The following AREL1 variants were observed in gnomAD, a reference collection of about 807,000 sequenced individuals.
The protein encoded by AREL1 is apoptosis-resistant E3 ubiquitin protein ligase 1.
A neutral mutation model predicts 99.0 loss-of-function variants in AREL1; 62 were observed. The observed-to-expected ratio is 0.63, with a 90% CI of 0.51 to 0.77. AREL1 has a LOEUF of 0.77. AREL1 is among the 30% of genes least tolerant of loss of function. The pLI is 0.00. For synonymous variants in AREL1, 380 were observed against 376.5 expected, an observed-to-expected ratio of 1.01 and a Z score of -0.11; for missense variants, 879 against 1,027.6, an observed-to-expected ratio of 0.86 and a Z score of 1.98.
chr14:74,667,407 A>T (rs780183895), intron 16 of AREL1, 30 bp from the exon 17 acceptor site: 1 of 1,614,220 alleles, frequency 6.2e-7, no homozygotes, highest in South Asian at 1.1e-5. Flanking sequence ...TTAAAGTCAT[A>T]CCCACACCAT....
At chr14:74,664,700 C>T (rs2089172743) in intron 18 of AREL1, 136 bp downstream of exon 18, 5 of 533,752 alleles carry the variant, frequency 9.4e-6, no homozygotes, top group Non-Finnish European at 1.6e-5. Context: ...ACTTTGTGAT[C>T]CGCCTGCCTC....
At chr14:74,709,673 GC>G (rs1279710395) in intron 1 of AREL1, among the ~76,000 whole-genome samples, 1 of 152,174 alleles carries the variant, frequency 6.6e-6, no homozygotes, top group Non-Finnish European at 1.5e-5. Context: ...TTAGGGGCAG[GC>G]AAGTTAATTG....
At chr14:74,694,086 G>A (rs957615027) in intron 1 of AREL1, among the ~76,000 whole-genome samples, 1 of 152,096 alleles carries the variant, frequency 6.6e-6, no homozygotes, top group East Asian at 1.9e-4. Flanking sequence ...TGAGGTGGGG[G>A]TTGGCTTGAG....
chr14:74,690,570 G>C (rs928139777), intron 2 of AREL1, among the ~76,000 whole-genome samples: 1 of 152,126 alleles, frequency 6.6e-6, no homozygotes, highest in South Asian at 2.1e-4. Flanking sequence ...TTTTTCTACA[G>C]CAGTTTCTAC....
chr14:74,664,318 C>T (rs2089158043), intron 18 of AREL1, among the ~76,000 whole-genome samples: 1 of 152,172 alleles, frequency 6.6e-6, no homozygotes, highest in Non-Finnish European at 1.5e-5. Flanking sequence ...TGGCAGTCAG[C>T]ATGACAGCCC....
chr14:74,713,046 G>A lies in AREL1; in HGVS notation c.-447C>T, dbSNP rs754679408. The stretch of plus-strand genomic sequence containing the variant: ...CTCCCACCAACAGACCCCAGAGTTG[G>A]TCTCCACCCGGCCTGGGAACCGGCT... On this transcript the variant is annotated 5_prime_UTR_variant, in exon 1 of 20. Transcript: ENST00000356357. The A allele has an allele frequency of 2.2e-6, 3 of 1,380,390 alleles. No homozygotes were observed. The African/African-American group carries it at 4.3e-5, about 20-fold the overall frequency. The allele number at this position is 1,380,390 out of a possible 1,614,324, so 85.5% of individuals were successfully genotyped here.
chr14:74,683,409 G>A lies in AREL1; in HGVS notation c.368C>T (p.Ser123Phe), dbSNP rs1194899368. Residue 123 changes from serine to phenylalanine, a missense_variant, in exon 5 of 20, where the codon TCC becomes TTC. Coordinates refer to ENST00000356357, the MANE Select transcript of AREL1 (RefSeq NM_001039479.2). Reference sequence around the variant, plus strand: ...AGTGAAGGCCACTTTTACTACGTTGGAATTGGGCTCCTGAAGGACTTCCTG... The same window carrying A: ...AGTGAAGGCCACTTTTACTACGTTGAAATTGGGCTCCTGAAGGACTTCCTG... Reference protein sequence around the residue: ...VTQEVLQEPNSNVVKVAFTVR... With the variant: ...VTQEVLQEPNFNVVKVAFTVR... 1 of 1,614,080 alleles carries A rather than the reference G, an allele frequency of 6.2e-7. No individual in the cohort carries two copies. The highest frequency in any genetic ancestry group is 1.1e-5 in the South Asian group (1 of 91,076).
At chr14:74,666,197 T>C (rs375036335) in intron 17 of AREL1, among the ~76,000 whole-genome samples, 32 of 151,972 alleles carry the variant, frequency 2.1e-4, no homozygotes, top group African/African-American at 7.8e-4. Context: ...CTAAAATTAC[T>C]TTTTCCCCCA....
rs768842320 is a variant in AREL1 at position 74,670,103 on chromosome 14, G to A, written c.1632C>T (p.Pro544=). The A allele has an allele frequency of 7.4e-6, 12 of 1,610,854 alleles. No individual in the cohort carries two copies. The highest frequency in any genetic ancestry group is 2.2e-5 in the South Asian group (2 of 90,718). ...CATACATTTTCAGGCGCAGATGAGC[G>A]GGGCGATTAGGGTTGGGATGCACCT... ...QALVHPNPNR[P]AHLRLKMYEF... is the part of the protein sequence containing the mutation. Residue 544 remains proline, a synonymous_variant, in exon 14 of 20, where the codon CCC becomes CCT. Transcript: ENST00000356357.
intron 5 of AREL1, among the ~76,000 whole-genome samples, chr14:74,679,568 T>G (rs1052330107): frequency 6.6e-6 from 1 of 152,196 alleles, no homozygotes; most frequent in Non-Finnish European, 1.5e-5. Flanking sequence ...GGTTCATGCC[T>G]GTAATCCTAG....
intron 7 of AREL1, 57 bp from the exon 8 acceptor site, chr14:74,676,003 C>T (rs1366179517): frequency 2.6e-6 from 4 of 1,536,100 alleles, no homozygotes; most frequent in Non-Finnish European, 3.5e-6. Context: ...AAAAAATTAC[C>T]TATCACAGGC....
At chr14:74,681,766 CAAAAAAAAAAAGAA>C (rs1333756944) in intron 5 of AREL1, among the ~76,000 whole-genome samples, 38 of 89,808 alleles carry the variant, frequency 4.2e-4, no homozygotes, top group African/African-American at 1.2e-3. Context: ...GAGACGCCAT[CAAAAAAAAAAAGAA>C]AAAAAAAAAA....
In AREL1 at chr14:74,670,019, G is replaced by A; in HGVS notation, c.1716C>T (p.Tyr572=). The part of the protein sequence containing the change: ...CLYESSLGGA[Y]KQLVRARFTR... ...TGAAGCGAGCTCGGACCAACTGCTT[G>A]TAGGCTCCTCCTAGAGAGGACTCAT... The change falls in exon 14 of 20, where the codon TAC becomes TAT. Residue 572 remains tyrosine (Y), a synonymous_variant. Transcript: ENST00000356357. The A allele has an allele frequency of 6.2e-7, 1 of 1,614,126 alleles. No individual in the cohort carries two copies. Among genetic ancestry groups the A allele is most frequent in the Non-Finnish European group, 8.5e-7 (1 of 1,179,976 alleles).
At chr14:74,673,280 C>G (rs1176632716) in intron 9 of AREL1, 62 bp from the exon 10 acceptor site, 1 of 1,559,038 alleles carries the variant, frequency 6.4e-7, no homozygotes, top group South Asian at 1.1e-5. Flanking sequence ...AAGTCCTCCA[C>G]AGCTCTATCC....
Position 74,664,933 on chromosome 14 carries a change from A to C in AREL1, c.2104-8T>G. ...AGTCCCACACATCAGCAGCTGGAAA[A>C]AGATGGTAAGGTGTTACTATGACAG... On this transcript the variant is annotated splice_polypyrimidine_tract_variant and splice_region_variant and intron_variant, in intron 17 of 19. Transcript: ENST00000356357. The C allele has an allele frequency of 6.2e-7, 1 of 1,612,418 alleles. No individual in the cohort carries two copies. Among genetic ancestry groups the C allele is most frequent in the Non-Finnish European group, 8.5e-7 (1 of 1,178,730 alleles).
chr14:74,684,380 G>C, intron 4 of AREL1, 74 bp downstream of exon 4: 1 of 1,341,540 alleles, frequency 7.5e-7, no homozygotes, highest in South Asian at 1.2e-5. Context: ...TAACATTCCA[G>C]GCCAGCACCT....
At position 74,675,937 on chromosome 14, in the gene AREL1, T is replaced by G. The variant is rs1315156599; in HGVS notation, c.842A>C (p.Lys281Thr). 3.3e-5 allele frequency: 52 copies of G among 1,591,970 alleles called. No individual in the cohort carries two copies. Among genetic ancestry groups the G allele is most frequent in the Non-Finnish European group, 4.5e-5 (52 of 1,168,072 alleles). ...GGACACATTGCGTTCGACGATATTCTTCTCATCCTCTGAAGTATAATAAGG... is the reference window on the plus strand; with the variant it reads ...GGACACATTGCGTTCGACGATATTCGTCTCATCCTCTGAAGTATAATAAGG... ...FDIIVLSEDE[K>T]NIVERNVSTS... is the part of the protein sequence containing the mutation. Residue 281 changes from lysine (K) to threonine (T), a missense_variant, in exon 8 of 20, where the codon AAG becomes ACG. Lys to Thr is a moderately conservative substitution (Grantham distance 78, BLOSUM62 -1). Transcript: ENST00000356357.
chr14:74,682,783 CCTCT>C (rs576386068), intron 5 of AREL1, among the ~76,000 whole-genome samples: 8 of 150,772 alleles, frequency 5.3e-5, no homozygotes, highest in Non-Finnish European at 8.9e-5. Context: ...GCACCTCCTC[CCTCT>C]CTCTCTCTCT....
Position 74,667,471 on chromosome 14 carries a change from G to A in AREL1, c.2038C>T (p.Leu680=), listed in dbSNP as rs2139859788. ...AGAACAGACAGGATCCCACCTTTTA[G>A]GAAATGTTCCACCTCCTCTTTCACT... is the stretch of plus-strand genomic sequence containing the variant. The part of the protein sequence containing the change: ...SQVKEEVEHF[L]KGLNELVPEN... The change falls in exon 16 of 20, where the codon CTA becomes TTA. Residue 680 remains leucine (L), a synonymous_variant. Coordinates refer to ENST00000356357, the MANE Select transcript of AREL1 (RefSeq NM_001039479.2). 4.3e-6 allele frequency: 7 copies of A among 1,613,502 alleles called. No individual in the cohort carries two copies. Among genetic ancestry groups the A allele is most frequent in the African/African-American group, 2.7e-5 (2 of 75,036 alleles).
Sources: gnomAD v4.1 joint callset for allele counts (sites outside exome capture counted in the v4.1 genomes callset) on GRCh38, gnomAD v4.1.1 for gene constraint, MANE v1.5 for transcripts, NCBI Gene and HGNC (gene_info 2026-07-23, HGNC 2026-07-21) for gene names.